EGR4: variants seen among roughly 807,000 people sequenced by gnomAD.
EGR4 encodes early growth response protein 4.
EGR4 carries 22 observed loss-of-function variants against 25.4 expected under a neutral mutation model. The observed-to-expected ratio is 0.87, with a 90% CI of 0.62 to 1.24. EGR4 has a LOEUF of 1.24. EGR4 is among the 50% of genes most tolerant of loss of function. The probability of loss-of-function intolerance (pLI) is 0.00; values close to 1 mark genes in which losing one functional copy is unlikely to be tolerated. For synonymous variants in EGR4, 375 were observed against 320.1 expected (o/e 1.17, Z -1.83); for missense variants, 742 against 702.9 (o/e 1.06, Z -0.63).
At position 73,292,199 on chromosome 2, in the gene EGR4, A is replaced by G; in HGVS notation, c.719T>C (p.Ile240Thr). The G allele has an allele frequency of 6.3e-7, 1 of 1,593,474 alleles. No homozygotes were observed. The highest frequency in any genetic ancestry group is 8.5e-7 in the Non-Finnish European group (1 of 1,170,030). The part of the protein sequence containing the change: ...EARFPVIGTK[I>T]EDLLSISCPA... ...GCAGCTGATGGACAGCAAGTCCTCA[A>G]TCTTGGTCCCTATTACGGGAAAACG... Residue 240 changes from isoleucine to threonine, a missense_variant, in exon 2 of 2, where the codon ATT becomes ACT. By Grantham distance (89) the Ile-to-Thr change is moderately conservative (BLOSUM62 -1). Coordinates refer to ENST00000436467, the MANE Select transcript of EGR4 (RefSeq NM_001965.4).
intron 1 of EGR4, 92 bp downstream of exon 1, chr2:73,293,090 G>C (rs1322444440): frequency 2.2e-5 from 28 of 1,251,626 alleles, no homozygotes; most frequent in Non-Finnish European, 2.9e-5. Flanking sequence ...TATTCTCATA[G>C]CTCCAATGTC....
Position 73,291,666 on chromosome 2 carries a change from T to C in EGR4, c.1252A>G (p.Asn418Asp). The change falls in exon 2 of 2, where the codon AAC (asparagine) becomes GAC (aspartate). Residue 418 changes from asparagine to aspartate, a missense_variant. By Grantham distance (23) the Asn-to-Asp change is conservative (BLOSUM62 1). Transcript: ENST00000436467. ...KPFQCRICLR[N>D]FSRSDHLTTH... Reference sequence around the variant, plus strand: ...GTGAGGTGGTCGCTGCGGCTGAAGTTGCGGAGGCAGATGCGGCACTGGAAG... The same window carrying C: ...GTGAGGTGGTCGCTGCGGCTGAAGTCGCGGAGGCAGATGCGGCACTGGAAG... 6.2e-7 allele frequency: 1 copy of C among 1,611,254 alleles called. No individual in the cohort carries two copies. Among genetic ancestry groups the C allele is most frequent in the East Asian group, 2.2e-5 (1 of 44,852 alleles).
In EGR4 at chr2:73,292,221, A is replaced by G. The variant is rs746944969; in HGVS notation, c.697T>C (p.Phe233Leu). The G allele has an allele frequency of 6.2e-7, 1 of 1,601,800 alleles. No homozygotes were observed. Among genetic ancestry groups the G allele is most frequent in the South Asian group, 1.1e-5 (1 of 89,140 alleles). Residue 233 changes from phenylalanine (F) to leucine (L), a missense_variant, in exon 2 of 2, where the codon TTT (phenylalanine) becomes CTT (leucine). Physicochemically the swap from Phe to Leu is conservative, Grantham distance 22. Transcript: ENST00000436467. Reference sequence around the variant, plus strand: ...TCAATCTTGGTCCCTATTACGGGAAAACGAGCCTCCGGGGCGGCCTGGTAG... The same window carrying G: ...TCAATCTTGGTCCCTATTACGGGAAGACGAGCCTCCGGGGCGGCCTGGTAG... Reference protein sequence around the residue: ...GDYQAAPEARFPVIGTKIEDL... With the variant: ...GDYQAAPEARLPVIGTKIEDL...
chr2:73,291,545 T>C lies in EGR4; in HGVS notation c.1373A>G (p.Lys458Arg). 1 of 1,613,376 alleles carries C rather than the reference T, an allele frequency of 6.2e-7. No homozygotes were observed. ...ARSDEKKRHS[K>R]VHLKQKARAE... is the part of the protein sequence containing the mutation. ...GCGCGCCTTCTGCTTGAGGTGCACC[T>C]TGCTGTGCCGTTTCTTCTCATCGCT... is the stretch of plus-strand genomic sequence containing the variant. Residue 458 changes from lysine (K) to arginine (R), a missense_variant, in exon 2 of 2, where the codon AAG becomes AGG. By Grantham distance (26) the Lys-to-Arg change is conservative. Coordinates refer to ENST00000436467, the MANE Select transcript of EGR4 (RefSeq NM_001965.4).
chr2:73,293,154 T>A (rs972610149), intron 1 of EGR4, 28 bp downstream of exon 1: 1 of 1,435,416 alleles, frequency 7.0e-7, no homozygotes, highest in Non-Finnish European at 9.2e-7. Context: ...GCCGTCGTCG[T>A]CTGAGCACCC....
chr2:73,293,483 C>T lies in EGR4; in HGVS notation c.-166G>A. ...TGGGAAAGGAGTCGGGGAGCCGCGG[C>T]GCCCTCGCTCGCCCGCACCGGCCTC... On this transcript the variant is annotated 5_prime_UTR_variant, in exon 1 of 2. Coordinates refer to ENST00000436467, the MANE Select transcript of EGR4 (RefSeq NM_001965.4). The T allele has an allele frequency of 3.3e-6, 5 of 1,501,526 alleles. No individual in the cohort carries two copies. Among genetic ancestry groups the T allele is most frequent in the Non-Finnish European group, 4.4e-6 (5 of 1,128,460 alleles). 93.0% of individuals were successfully genotyped at this position (1,501,526 alleles called of 1,614,324 possible).
Position 73,293,360 on chromosome 2 carries a change from G to A in EGR4, c.-43C>T. On this transcript the variant is annotated 5_prime_UTR_variant, in exon 1 of 2. Transcript: ENST00000436467. ...GGGGCGCCCGGGGCCTCGCCCGCTG[G>A]GCTTGGGGGCGCGCGGGTGGCGGGG... The A allele has an allele frequency of 6.6e-7, 1 of 1,512,344 alleles. No individual in the cohort carries two copies. Among genetic ancestry groups the A allele is most frequent in the African/African-American group, 1.4e-5 (1 of 69,756 alleles). The allele number at this position is 1,512,344 out of a possible 1,614,324, so 93.7% of individuals were successfully genotyped here.
chr2:73,293,275 C>T lies in EGR4; in HGVS notation c.43G>A (p.Val15Ile), dbSNP rs1689147708. 2 of 1,587,820 alleles carry T rather than the reference C, an allele frequency of 1.3e-6. No individual in the cohort carries two copies. Among genetic ancestry groups the T allele is most frequent in the Non-Finnish European group, 1.7e-6 (2 of 1,169,560 alleles). Residue 15 changes from valine to isoleucine, a missense_variant, in exon 1 of 2, where the codon GTC (valine) becomes ATC (isoleucine). Transcript: ENST00000436467. ...GCGCAACAGCCTTCAGTGGACTTGACGAGGAGCGCGTCGGGTTCGGAAAAC... is the reference window on the plus strand; with the variant it reads ...GCGCAACAGCCTTCAGTGGACTTGATGAGGAGCGCGTCGGGTTCGGAAAAC... ...SEFSEPDALLVKSTEGCCAEP... is the reference protein window; with the variant it reads ...SEFSEPDALLIKSTEGCCAEP...
chr2:73,291,914 C>T lies in EGR4; in HGVS notation c.1004G>A (p.Ser335Asn). The T allele has an allele frequency of 1.9e-6, 3 of 1,577,142 alleles. No homozygotes were observed. The highest frequency in any genetic ancestry group is 2.6e-6 in the Non-Finnish European group (3 of 1,162,822). The change falls in exon 2 of 2, where the codon AGC (serine) becomes AAC (asparagine). Residue 335 changes from serine (S) to asparagine (N), a missense_variant. Ser to Asn is a conservative substitution (Grantham distance 46, BLOSUM62 1). Transcript: ENST00000436467. ...CACGGGTGGTGCAGCCACGCCACTG[C>T]TTCCAGGGATGTCCGCCACCAGAGG... The part of the protein sequence containing the change: ...PKPLVADIPG[S>N]SGVAAPPVPP...
chr2:73,292,301 G>T lies in EGR4; in HGVS notation c.617C>A (p.Ala206Glu). ...CCCCACAGAAAGCAGCTCCCAGGGC[G>T]CGTAGGGACCCTTGAAGGCAGAGAC... Reference protein sequence around the residue: ...DAVSAFKGPYAPWELLSVGAP... With the variant: ...DAVSAFKGPYEPWELLSVGAP... Residue 206 changes from alanine to glutamate, a missense_variant, in exon 2 of 2, where the codon GCG becomes GAG. By Grantham distance (107) the Ala-to-Glu change is moderately radical. Coordinates refer to ENST00000436467, the MANE Select transcript of EGR4 (RefSeq NM_001965.4). 1 of 1,606,648 alleles carries T rather than the reference G, an allele frequency of 6.2e-7. No homozygotes were observed. The highest frequency in any genetic ancestry group is 8.5e-7 in the Non-Finnish European group (1 of 1,175,536).
In EGR4 at chr2:73,291,874, G is replaced by A. The variant is rs1689109546; in HGVS notation, c.1044C>T (p.Pro348=). The A allele has an allele frequency of 1.3e-6, 2 of 1,574,580 alleles. No homozygotes were observed. The highest frequency in any genetic ancestry group is 1.7e-6 in the Non-Finnish European group (2 of 1,164,550). ...GCGCCTTGGCCTGGGGGAAAGGGGT[G>A]GGCGGCGGCGGCGGCACGGGTGGTG... ...VAAPPVPPPP[P]TPFPQAKARR... Residue 348 remains proline (P), a synonymous_variant, in exon 2 of 2, where the codon CCC becomes CCT. Coordinates refer to ENST00000436467, the MANE Select transcript of EGR4 (RefSeq NM_001965.4).
chr2:73,292,435 G>C lies in EGR4; in HGVS notation c.483C>G (p.Ala161=), dbSNP rs1416274973. The C allele has an allele frequency of 6.7e-7, 1 of 1,497,630 alleles. No homozygotes were observed. Among genetic ancestry groups the C allele is most frequent in the Admixed American group, 2.5e-5 (1 of 39,972 alleles). 92.8% of individuals were successfully genotyped at this position (1,497,630 alleles called of 1,614,324 possible). Residue 161 remains alanine (A), a synonymous_variant, in exon 2 of 2, where the codon GCC becomes GCG. Coordinates refer to ENST00000436467, the MANE Select transcript of EGR4 (RefSeq NM_001965.4). ...GCGAGGGGGCACCCGCGCAAGGCGA[G>C]GCCTCCCAGAACGCCTCTGGGAAAG... ...AAPFPEAFWE[A]SPCAGAPSQC... is the part of the protein sequence containing the mutation.
chr2:73,293,541 C>T lies in EGR4; in HGVS notation c.-224G>A, dbSNP rs905302700. Reference sequence around the variant, plus strand: ...GGCTCCTCGCCTCTCCAAAGCGCTGCCGGGCTCCCCCAGCCCACAGCCCCC... The same window carrying T: ...GGCTCCTCGCCTCTCCAAAGCGCTGTCGGGCTCCCCCAGCCCACAGCCCCC... On this transcript the variant is annotated 5_prime_UTR_variant, in exon 1 of 2. Transcript: ENST00000436467. 6 of 1,504,608 alleles carry T rather than the reference C, an allele frequency of 4.0e-6. No homozygotes were observed. The highest frequency in any genetic ancestry group is 5.3e-6 in the Non-Finnish European group (6 of 1,133,156). The allele number at this position is 1,504,608 out of a possible 1,614,324, so 93.2% of individuals were successfully genotyped here.
In EGR4 at chr2:73,291,195, A is replaced by G; in HGVS notation, c.*262T>C. ...AAAAGACTGTCTTGAATCCCAGGGT[A>G]GTGCCTATTCACTGGGTGGTCTCAG... On this transcript the variant is annotated 3_prime_UTR_variant, in exon 2 of 2. Coordinates refer to ENST00000436467, the MANE Select transcript of EGR4 (RefSeq NM_001965.4). 1 of 528,418 alleles carries G rather than the reference A, an allele frequency of 1.9e-6. No homozygotes were observed. Among genetic ancestry groups the G allele is most frequent in the South Asian group, 2.6e-5 (1 of 38,268 alleles). 32.7% of individuals were successfully genotyped at this position (528,418 alleles called of 1,614,324 possible). A position where few individuals can be genotyped will look rare whatever the true frequency, so the allele number is the denominator to read the frequency against.
rs1689090496 is a variant in EGR4 at position 73,291,315 on chromosome 2, G to A, written c.*142C>T. The A allele has an allele frequency of 1.7e-6, 2 of 1,168,800 alleles. No individual in the cohort carries two copies. Among genetic ancestry groups the A allele is most frequent in the South Asian group, 1.6e-5 (1 of 62,722 alleles). The allele number at this position is 1,168,800 out of a possible 1,614,324, so 72.4% of individuals were successfully genotyped here. ...GTGCTGAATAGGGCGTGTGCGGCGG[G>A]CGCTTCAAGGAAACTGGAAGCGGGA... is the stretch of plus-strand genomic sequence containing the variant. On this transcript the variant is annotated 3_prime_UTR_variant, in exon 2 of 2. Transcript: ENST00000436467.
chr2:73,292,041 C>A lies in EGR4; in HGVS notation c.877G>T (p.Glu293Ter). ...CCGCCGTCGCCGCTACTCCCTCCCT[C>A]CCCACTAGGAGGGGTCAGGAGCCCA... ...LPGLLTPPSG[E>*]GGSSGDGGEF... is the part of the protein sequence containing the mutation. Residue 293 changes from glutamate to a stop codon, truncating the protein, a stop_gained, in exon 2 of 2, where the codon GAG becomes TAG. Coordinates refer to ENST00000436467, the MANE Select transcript of EGR4 (RefSeq NM_001965.4). LOFTEE classifies it high-confidence loss of function. 1 of 1,606,880 alleles carries A rather than the reference C, an allele frequency of 6.2e-7. No homozygotes were observed. Among genetic ancestry groups the A allele is most frequent in the Non-Finnish European group, 8.5e-7 (1 of 1,176,366 alleles).
In EGR4 at chr2:73,292,110, G is replaced by A; in HGVS notation, c.808C>T (p.Pro270Ser). 1 of 1,605,154 alleles carries A rather than the reference G, an allele frequency of 6.2e-7. No individual in the cohort carries two copies. The highest frequency in any genetic ancestry group is 1.1e-5 in the South Asian group (1 of 89,370). The change falls in exon 2 of 2, where the codon CCG becomes TCG. Residue 270 changes from proline (P) to serine (S), a missense_variant. Transcript: ENST00000436467. ...LYPSGAYDAF[P>S]LAPGDLGEGA... ...TCCCCTAAGTCACCCGGGGCCAGCG[G>A]GAAAGCGTCATAGGCCCCGCTGGGA...
rs540230405 is a variant in EGR4, at chr2:73,292,381, C to G, written c.537G>C (p.Pro179=). The G allele has an allele frequency of 2.6e-6, 4 of 1,540,058 alleles. No homozygotes were observed. The Admixed American group carries it at 8.2e-5, about 32-fold the overall frequency. Residue 179 remains proline, a synonymous_variant, in exon 2 of 2, where the codon CCG becomes CCC. Transcript: ENST00000436467. ...SQCLYEPQLS[P]PDVKPGLRAP... ...CCCGGAGGCCGGGCTTGACGTCGGG[C>G]GGGGAGAGCTGAGGCTCATACAGGC...
Position 73,292,130 on chromosome 2 carries a change from C to A in EGR4, c.788G>T (p.Ser263Ile). The A allele has an allele frequency of 3.1e-6, 5 of 1,597,660 alleles. No homozygotes were observed. Among genetic ancestry groups the A allele is most frequent in the Non-Finnish European group, 3.4e-6 (4 of 1,172,070 alleles). The change falls in exon 2 of 2, where the codon AGC becomes ATC. Residue 263 changes from serine to isoleucine, a missense_variant. Physicochemically the swap from Ser to Ile is moderately radical, Grantham distance 142. Transcript: ENST00000436467. Reference sequence around the variant, plus strand: ...CAGCGGGAAAGCGTCATAGGCCCCGCTGGGATAGAGTCTGTTGGCTGGGAC... The same window carrying A: ...CAGCGGGAAAGCGTCATAGGCCCCGATGGGATAGAGTCTGTTGGCTGGGAC... ...PAVPANRLYP[S>I]GAYDAFPLAP...
Sources: allele counts gnomAD v4.1 joint callset, GRCh38; gene constraint gnomAD v4.1.1; transcripts MANE v1.5; gene names NCBI Gene and HGNC (gene_info 2026-07-23, HGNC 2026-07-21).